Variants in CSMD3 observed in about 807,000 individuals in gnomAD.
CSMD3 encodes CUB and Sushi multiple domains 3.
CSMD3 carries 177 observed loss-of-function variants against 435.2 expected under a neutral mutation model. That is an observed-to-expected ratio of 0.41 (90% CI 0.36 to 0.46). The LOEUF (loss-of-function observed/expected upper bound fraction) is 0.46. Among genes scored for constraint, CSMD3 ranks in the 20% least tolerant of loss-of-function variants. The probability of loss-of-function intolerance (pLI) is 0.34; values close to 1 mark genes in which losing one functional copy is unlikely to be tolerated. For synonymous variants in CSMD3, 1,656 were observed against 1,520.5 expected (o/e 1.09, Z -2.07); for missense variants, 4,265 against 4,504.6 (o/e 0.95, Z 1.52).
intron 32 of CSMD3, among the ~76,000 whole-genome samples, chr8:112,421,069 C>T (rs993815214): frequency 1.3e-5 from 2 of 152,026 alleles, no homozygotes; most frequent in African/African-American, 2.4e-5. Context: ...GAGGGGTACA[C>T]CATATGTCAA....
rs2130577650 is a variant in CSMD3 at position 112,281,208 on chromosome 8, A to T, written c.9474T>A (p.Asn3158Lys). The change falls in exon 59 of 71, where the codon AAT becomes AAA. Residue 3158 changes from asparagine to lysine, a missense_variant. Asn to Lys is a moderately conservative substitution (Grantham distance 94, BLOSUM62 0). Around this residue, in one of 3 missense-constraint regions of CSMD3, gnomAD observed 3,255 missense variants for 3,380.2 expected, o/e 0.96. Transcript: ENST00000297405. ...TAGGTAAAGTTCCAGACCATGTTCC[A>T]TTGGCTGTGCACTGTCTAACTGAAG... ...SGPSVRQCTANGTWSGTLPNC... is the reference protein window; with the variant it reads ...SGPSVRQCTAKGTWSGTLPNC... 2 of 1,613,348 alleles carry T rather than the reference A, an allele frequency of 1.2e-6. No individual in the cohort carries two copies. The highest frequency in any genetic ancestry group is 1.7e-6 in the Non-Finnish European group (2 of 1,179,418).
chr8:112,406,774 T>C (rs1831899023), intron 34 of CSMD3, 47 bp from the exon 35 acceptor site: 2 of 1,221,386 alleles, frequency 1.6e-6, no homozygotes, highest in East Asian at 2.6e-5. Flanking sequence ...GGTAGACAAA[T>C]ACAGATTTCA....
chr8:112,415,399 C>G (rs894594965), intron 32 of CSMD3, among the ~76,000 whole-genome samples: 2 of 152,228 alleles, frequency 1.3e-5, no homozygotes, highest in African/African-American at 2.4e-5. Flanking sequence ...GTTTGGGAAC[C>G]TCTACCTAGA....
chr8:112,698,148 T>C (rs570884358), intron 13 of CSMD3, among the ~76,000 whole-genome samples: 1 of 150,934 alleles, frequency 6.6e-6, no homozygotes, highest in South Asian at 2.1e-4. Flanking sequence ...TAAGTATATG[T>C]GAAGAAGGTT....
At chr8:112,755,057 C>T (rs1587188001) in intron 13 of CSMD3, among the ~76,000 whole-genome samples, 1 of 152,146 alleles carries the variant, frequency 6.6e-6, no homozygotes, top group African/African-American at 2.4e-5. Flanking sequence ...GCGGGCCAGG[C>T]GAGGTGGCTC....
At position 112,904,629 on chromosome 8, in the gene CSMD3, A is replaced by C. The variant is rs151256737; in HGVS notation, c.1633+16998T>G. ...GGATTAGAAAAGATGTTATAAAGTT[A>C]GTCTCTGATTTATTAGCTGAAGTGA... On this transcript the variant is annotated intron_variant, in intron 10 of 70. Coordinates refer to ENST00000297405, the MANE Select transcript of CSMD3 (RefSeq NM_198123.2). Among the ~76,000 whole-genome samples the C allele has an allele frequency of 5.4e-4, 82 of 151,418 alleles. 1 individual carries two copies. The South Asian group carries it at 6.0e-3, about 11-fold the overall frequency.
At chr8:112,525,232 A>G (rs1215550650) in intron 27 of CSMD3, among the ~76,000 whole-genome samples, 1 of 151,422 alleles carries the variant, frequency 6.6e-6, no homozygotes, top group Non-Finnish European at 1.5e-5. Flanking sequence ...CATTTTTGAC[A>G]CACTTTTATA....
At position 113,314,906 on chromosome 8, in the gene CSMD3, T is replaced by G. The variant is rs986549948; in HGVS notation, c.179-113A>C. 35 of 706,172 alleles carry G rather than the reference T, an allele frequency of 5.0e-5. No homozygotes were observed. The East Asian group carries it at 9.3e-4, about 19-fold the overall frequency. The allele number at this position is 706,172 out of a possible 1,614,324, so 43.7% of individuals were successfully genotyped here. ...TTCCAAGACCAAAGTTAACAATAAT[T>G]TTATAAATGGCAGTTTAAGAGCTGG... is the stretch of plus-strand genomic sequence containing the variant. On this transcript the variant is annotated intron_variant, in intron 1 of 70. Coordinates refer to ENST00000297405, the MANE Select transcript of CSMD3 (RefSeq NM_198123.2).
chr8:112,598,948 C>G (rs895192705), intron 22 of CSMD3, among the ~76,000 whole-genome samples: 6 of 151,248 alleles, frequency 4.0e-5, no homozygotes, highest in African/African-American at 1.5e-4. Context: ...CCATTCAGGA[C>G]ATAGGCATGG....
At chr8:112,302,029 C>T (rs1820972208) in intron 52 of CSMD3, 63 bp from the exon 53 acceptor site, 1 of 1,154,872 alleles carries the variant, frequency 8.7e-7, no homozygotes, top group Non-Finnish European at 1.3e-6. Context: ...TGTAACAAAA[C>T]TGTGCTTTGA....
At chr8:113,362,578 C>G (rs2094284354) in intron 1 of CSMD3, among the ~76,000 whole-genome samples, 1 of 152,068 alleles carries the variant, frequency 6.6e-6, no homozygotes, top group Non-Finnish European at 1.5e-5. Context: ...ACTTTTAAGC[C>G]CGAGGCAAAT....
At chr8:113,271,358 G>GA (rs373449175) in intron 3 of CSMD3, among the ~76,000 whole-genome samples, 5 of 152,054 alleles carry the variant, frequency 3.3e-5, no homozygotes, top group African/African-American at 9.6e-5. Flanking sequence ...AAGCCTAGGA[G>GA]AAAAAAACGG....
intron 7 of CSMD3, among the ~76,000 whole-genome samples, chr8:112,974,783 T>G (rs1220440445): frequency 6.6e-6 from 1 of 151,860 alleles, no homozygotes; most frequent in Non-Finnish European, 1.5e-5. Context: ...TTTTAATTAA[T>G]GTATGTAAAG....
chr8:112,810,695 A>G (rs1317769419), intron 12 of CSMD3, among the ~76,000 whole-genome samples: 1 of 152,114 alleles, frequency 6.6e-6, no homozygotes, highest in Non-Finnish European at 1.5e-5. Context: ...TCTCCAAAAA[A>G]ATTGGAAAAA....
At position 113,175,695 on chromosome 8, in the gene CSMD3, G is replaced by A. The variant is rs574095931; in HGVS notation, c.515-1779C>T. The stretch of plus-strand genomic sequence containing the variant: ...AGATGTTTGTTCCAAGAGACAGTGA[G>A]GTTAATAAGTTTTGACAAAATGAAT... On this transcript the variant is annotated intron_variant, in intron 3 of 70. Transcript: ENST00000297405. Among the ~76,000 whole-genome samples the A allele has an allele frequency of 3.9e-5, 6 of 151,978 alleles. No homozygotes were observed. In the South Asian group the frequency reaches 1.2e-3, roughly 32 times the overall value.
At chr8:113,274,759 C>T (rs1377064008) in intron 3 of CSMD3, among the ~76,000 whole-genome samples, 1 of 150,682 alleles carries the variant, frequency 6.6e-6, no homozygotes, top group Non-Finnish European at 1.5e-5. Context: ...CTTTACTCAC[C>T]TAATAATGAT....
chr8:112,849,381 A>G (rs1413036571), intron 11 of CSMD3, among the ~76,000 whole-genome samples: 1 of 152,072 alleles, frequency 6.6e-6, no homozygotes, highest in Non-Finnish European at 1.5e-5. Context: ...ATGCTCCTCT[A>G]CATTTTCAGC....
intron 3 of CSMD3, among the ~76,000 whole-genome samples, chr8:113,174,206 CTG>C (rs1025014318): frequency 6.6e-6 from 1 of 152,138 alleles, no homozygotes; most frequent in Non-Finnish European, 1.5e-5. Flanking sequence ...ATAAGTAAAA[CTG>C]AGGATAATAT....
intron 1 of CSMD3, 123 bp downstream of exon 1, chr8:113,436,554 A>G: frequency 5.2e-6 from 4 of 766,524 alleles, no homozygotes; most frequent in Admixed American, 2.6e-5. Context: ...CTGTGAATCA[A>G]CTCCTTTAGT....
Sources: gnomAD v4.1 joint callset for allele counts (sites outside exome capture counted in the v4.1 genomes callset) on GRCh38, gnomAD v4.1.1 for gene constraint, gnomAD v4.1.1 regional missense constraint, MANE v1.5 for transcripts, NCBI Gene and HGNC (gene_info 2026-07-23, HGNC 2026-07-21) for gene names.